Variants in SPEM1 observed in about 807,000 individuals in gnomAD.
SPEM1 encodes spermatid maturation 1.
In SPEM1, 10 loss-of-function variants were observed where a neutral mutation model predicts 9.0. The ratio of observed to expected loss-of-function variants is 1.11; its 90% CI spans 0.68 to 1.88. SPEM1 has a LOEUF of 1.88. Among genes scored for constraint, SPEM1 ranks in the 40% most tolerant of loss-of-function variants. The pLI is 0.00. For missense variants in SPEM1, 401 were observed against 408.6 expected, an observed-to-expected ratio of 0.98 and a Z score of 0.16; for synonymous variants, 175 against 157.8, an observed-to-expected ratio of 1.11 and a Z score of -0.82.
chr17:7,420,805 G>A (rs928743264), intron 2 of SPEM1, 76 bp from the exon 3 acceptor site: 1 of 1,600,390 alleles, frequency 6.2e-7, no homozygotes, highest in Admixed American at 1.7e-5. Context: ...CTGTGTGGCT[G>A]CCCTTCCTGG....
rs554830915 is a variant in SPEM1, at chr17:7,421,433, G to A, written c.758G>A (p.Arg253Gln). Reference sequence around the variant, plus strand: ...CCAGCAGTCATCCCTGAATTTTCCCGGCACCGCTCCTCAGGCCGAATAGTG... The same window carrying A: ...CCAGCAGTCATCCCTGAATTTTCCCAGCACCGCTCCTCAGGCCGAATAGTG... ...LGPAVIPEFS[R>Q]HRSSGRIVYD... The change falls in exon 3 of 3, where the codon CGG (arginine) becomes CAG (glutamine). Residue 253 changes from arginine to glutamine, a missense_variant. Physicochemically the swap from Arg to Gln is conservative, Grantham distance 43. Transcript: ENST00000323675. The surrounding 1 kb of genome is among the most constrained non-coding windows in gnomAD (Gnocchi z 4.8). 106 of 1,608,444 alleles carry A rather than the reference G, an allele frequency of 6.6e-5. No homozygotes were observed. Among genetic ancestry groups the A allele is most frequent in the Admixed American group, 1.3e-4 (8 of 59,676 alleles).
rs1460235253 is a variant in SPEM1 at position 7,420,619 on chromosome 17, C to T, written c.145-8C>T. Reference sequence around the variant, plus strand: ...CTACCTGGGATCACTGTGTCTTCCCCCACCTAGCTCTGGAGCCGATTCCGT... The same window carrying T: ...CTACCTGGGATCACTGTGTCTTCCCTCACCTAGCTCTGGAGCCGATTCCGT... On this transcript the variant is annotated splice_polypyrimidine_tract_variant and splice_region_variant and intron_variant, in intron 1 of 2. Coordinates refer to ENST00000323675, the MANE Select transcript of SPEM1 (RefSeq NM_199339.3). 4 of 1,613,992 alleles carry T rather than the reference C, an allele frequency of 2.5e-6. No individual in the cohort carries two copies. Among genetic ancestry groups the T allele is most frequent in the East Asian group, 2.2e-5 (1 of 44,898 alleles).
chr17:7,420,815 G>C (rs551965412), intron 2 of SPEM1, 66 bp from the exon 3 acceptor site: 3 of 1,602,626 alleles, frequency 1.9e-6, no homozygotes, highest in East Asian at 4.5e-5. Flanking sequence ...GCCCTTCCTG[G>C]GCCCTGCCTC....
rs1005630390 is a variant in SPEM1, at chr17:7,420,374, C to T, written c.-11C>T. On this transcript the variant is annotated 5_prime_UTR_variant, in exon 1 of 3. Coordinates refer to ENST00000323675, the MANE Select transcript of SPEM1 (RefSeq NM_199339.3). The stretch of plus-strand genomic sequence containing the variant: ...TGGGGGCGTAAGGGCCCCGGTGGTC[C>T]TAGGGACCCCATGGCCATGGTTGAG... 1 of 1,502,580 alleles carries T rather than the reference C, an allele frequency of 6.7e-7. No individual in the cohort carries two copies. Among genetic ancestry groups the T allele is most frequent in the Non-Finnish European group, 8.9e-7 (1 of 1,127,752 alleles). The allele number at this position is 1,502,580 out of a possible 1,614,324, so 93.1% of individuals were successfully genotyped here.
At chr17:7,420,710 C>A (rs201647377) in intron 2 of SPEM1, 23 bp downstream of exon 2, 2 of 1,612,972 alleles carry the variant, frequency 1.2e-6, no homozygotes, top group East Asian at 4.5e-5. Flanking sequence ...GGGGCTGGGA[C>A]ATAGGAGGGG....
At chr17:7,420,790 C>T in intron 2 of SPEM1, 91 bp from the exon 3 acceptor site, 2 of 1,601,330 alleles carry the variant, frequency 1.2e-6, no homozygotes, top group Non-Finnish European at 8.5e-7. Flanking sequence ...TCTCAGACAA[C>T]ATAGCTGTGT....
At position 7,420,947 on chromosome 17, in the gene SPEM1, T is replaced by C; in HGVS notation, c.272T>C (p.Val91Ala). Reference sequence around the variant, plus strand: ...CCTAAGAAGCAGAGTTCTCCTGCAGTCCATCTTCGGTGCACCATGGACCCT... The same window carrying C: ...CCTAAGAAGCAGAGTTCTCCTGCAGCCCATCTTCGGTGCACCATGGACCCT... ...QPPKKQSSPA[V>A]HLRCTMDPVM... is the part of the protein sequence containing the mutation. Residue 91 changes from valine to alanine, a missense_variant, in exon 3 of 3, where the codon GTC (valine) becomes GCC (alanine). By Grantham distance (64) the Val-to-Ala change is moderately conservative (BLOSUM62 0). Coordinates refer to ENST00000323675, the MANE Select transcript of SPEM1 (RefSeq NM_199339.3). 2 of 1,614,056 alleles carry C rather than the reference T, an allele frequency of 1.2e-6. No individual in the cohort carries two copies. The highest frequency in any genetic ancestry group is 1.7e-4 in the Middle Eastern group (1 of 6,060).
In SPEM1 at chr17:7,420,694, G is replaced by A; in HGVS notation, c.205+7G>A. On this transcript the variant is annotated splice_region_variant and intron_variant, in intron 2 of 2. Coordinates refer to ENST00000323675, the MANE Select transcript of SPEM1 (RefSeq NM_199339.3). ...GATACCATTTGTGAGAAAGGTAAGA[G>A]GTCTGGGGGCTGGGACATAGGAGGG... The A allele has an allele frequency of 6.2e-7, 1 of 1,613,766 alleles. No homozygotes were observed. Among genetic ancestry groups the A allele is most frequent in the Non-Finnish European group, 8.5e-7 (1 of 1,179,988 alleles).
rs763500488 is a variant in SPEM1 at position 7,421,151 on chromosome 17, A to G, written c.476A>G (p.His159Arg). ...CCTGAGGACTGGGAAGGCTTCCAACACACTCAGGGGACCTGGGTTCCCTGG... is the reference window on the plus strand; with the variant it reads ...CCTGAGGACTGGGAAGGCTTCCAACGCACTCAGGGGACCTGGGTTCCCTGG... The part of the protein sequence containing the change: ...DVPEDWEGFQ[H>R]TQGTWVPWSQ... The change falls in exon 3 of 3, where the codon CAC (histidine) becomes CGC (arginine). Residue 159 changes from histidine (H) to arginine (R), a missense_variant. Coordinates refer to ENST00000323675, the MANE Select transcript of SPEM1 (RefSeq NM_199339.3). This position sits in a 1 kb window ranked among gnomAD's most constrained non-coding sequence, Gnocchi z 4.8. 3 of 1,613,908 alleles carry G rather than the reference A, an allele frequency of 1.9e-6. 1 individual carries two copies. Among genetic ancestry groups the G allele is most frequent in the South Asian group, 2.2e-5 (2 of 91,068 alleles).
At chr17:7,420,764 C>G (rs1907359987) in intron 2 of SPEM1, 77 bp downstream of exon 2, 1 of 1,603,914 alleles carries the variant, frequency 6.2e-7, no homozygotes, top group African/African-American at 1.3e-5. Flanking sequence ...TAGCCCCTTC[C>G]CTTCTTGCTC....
In SPEM1 at chr17:7,421,142, G is replaced by A. The variant is rs1246444552; in HGVS notation, c.467G>A (p.Gly156Asp). The A allele has an allele frequency of 8.7e-6, 14 of 1,613,938 alleles. No individual in the cohort carries two copies. The highest frequency in any genetic ancestry group is 1.1e-5 in the Non-Finnish European group (13 of 1,179,968). ...YHWDVPEDWE[G>D]FQHTQGTWVP... ...TGGGATGTCCCTGAGGACTGGGAAG[G>A]CTTCCAACACACTCAGGGGACCTGG... The change falls in exon 3 of 3, where the codon GGC becomes GAC. Residue 156 changes from glycine (G) to aspartate (D), a missense_variant. Coordinates refer to ENST00000323675, the MANE Select transcript of SPEM1 (RefSeq NM_199339.3). The surrounding 1 kb of genome is among the most constrained non-coding windows in gnomAD (Gnocchi z 4.8).
At chr17:7,420,819 C>A (rs1289045383) in intron 2 of SPEM1, 62 bp from the exon 3 acceptor site, 1 of 1,603,398 alleles carries the variant, frequency 6.2e-7, no homozygotes, top group Admixed American at 1.7e-5. Flanking sequence ...TTCCTGGGCC[C>A]TGCCTCTCCA....
intron 1 of SPEM1, 41 bp downstream of exon 1, chr17:7,420,569 G>T (rs757236006): frequency 1.9e-5 from 30 of 1,613,794 alleles, no homozygotes; most frequent in South Asian, 9.9e-5. Flanking sequence ...GTGGGATAGT[G>T]GGGGGCAGGC....
chr17:7,421,339 G>A lies in SPEM1; in HGVS notation c.664G>A (p.Gly222Ser), dbSNP rs766957039. The A allele has an allele frequency of 6.8e-6, 11 of 1,613,974 alleles. No individual in the cohort carries two copies. The highest frequency in any genetic ancestry group is 4.4e-5 in the South Asian group (4 of 91,062). Residue 222 changes from glycine to serine, a missense_variant, in exon 3 of 3, where the codon GGT (glycine) becomes AGT (serine). Transcript: ENST00000323675. This position sits in a 1 kb window ranked among gnomAD's most constrained non-coding sequence, Gnocchi z 4.8. ...PSPEAPSHKN[G>S]GEGAVPEAEA... ...CCCTGAGGCTCCTAGCCACAAGAAC[G>A]GTGGGGAGGGGGCGGTGCCAGAGGC...
chr17:7,421,153 A>G lies in SPEM1; in HGVS notation c.478A>G (p.Thr160Ala). The G allele has an allele frequency of 6.2e-7, 1 of 1,613,530 alleles. No individual in the cohort carries two copies. The highest frequency in any genetic ancestry group is 2.2e-5 in the East Asian group (1 of 44,856). Residue 160 changes from threonine to alanine, a missense_variant, in exon 3 of 3, where the codon ACT becomes GCT. Physicochemically the swap from Thr to Ala is moderately conservative, Grantham distance 58. Transcript: ENST00000323675. This position sits in a 1 kb window ranked among gnomAD's most constrained non-coding sequence, Gnocchi z 4.8. Reference protein sequence around the residue: ...VPEDWEGFQHTQGTWVPWSQD... With the variant: ...VPEDWEGFQHAQGTWVPWSQD... Reference sequence around the variant, plus strand: ...TGAGGACTGGGAAGGCTTCCAACACACTCAGGGGACCTGGGTTCCCTGGTC... The same window carrying G: ...TGAGGACTGGGAAGGCTTCCAACACGCTCAGGGGACCTGGGTTCCCTGGTC...
chr17:7,420,937 TCTC>T lies in SPEM1; in HGVS notation c.265_267del (p.Pro89del). 2.5e-6 allele frequency: 4 copies of T among 1,613,892 alleles called. No homozygotes were observed. Among genetic ancestry groups the T allele is most frequent in the Non-Finnish European group, 3.4e-6 (4 of 1,179,948 alleles). On this transcript the variant is annotated inframe_deletion, in exon 3 of 3. Transcript: ENST00000323675. The stretch of plus-strand genomic sequence containing the variant: ...GACCCAGCCCCCTAAGAAGCAGAGT[TCTC>T]CTGCAGTCCATCTTCGGTGCACCAT...
chr17:7,420,838 G>A lies in SPEM1; in HGVS notation c.206-43G>A, dbSNP rs749782854. ...TGGGCCCTGCCTCTCCATGCCTGTA[G>A]GAGCTGGCCTCCCCACTAGTCTCAC... On this transcript the variant is annotated intron_variant, in intron 2 of 2. Transcript: ENST00000323675. 1.9e-6 allele frequency: 3 copies of A among 1,606,894 alleles called. No homozygotes were observed. In the South Asian group the frequency reaches 3.3e-5, roughly 18 times the overall value.
chr17:7,420,418 G>C lies in SPEM1; in HGVS notation c.34G>C (p.Ala12Pro), dbSNP rs1453235649. The C allele has an allele frequency of 1.3e-6, 2 of 1,577,330 alleles. No individual in the cohort carries two copies. The highest frequency in any genetic ancestry group is 1.7e-6 in the Non-Finnish European group (2 of 1,161,250). The change falls in exon 1 of 3, where the codon GCC becomes CCC. Residue 12 changes from alanine (A) to proline (P), a missense_variant. Ala to Pro is a conservative substitution (Grantham distance 27). Transcript: ENST00000323675. Reference protein sequence around the residue: ...AMVERPRPEWASYHNCNSNSC... With the variant: ...AMVERPRPEWPSYHNCNSNSC... ...GGTTGAGCGGCCGAGGCCCGAGTGGGCCTCGTATCACAACTGCAACAGCAA... is the reference window on the plus strand; with the variant it reads ...GGTTGAGCGGCCGAGGCCCGAGTGGCCCTCGTATCACAACTGCAACAGCAA...
In SPEM1 at chr17:7,421,583, A is replaced by G. The variant is rs1907410782; in HGVS notation, c.908A>G (p.Tyr303Cys). The change falls in exon 3 of 3, where the codon TAC (tyrosine) becomes TGC (cysteine). Residue 303 changes from tyrosine to cysteine, a missense_variant. Physicochemically the swap from Tyr to Cys is radical, Grantham distance 194. Coordinates refer to ENST00000323675, the MANE Select transcript of SPEM1 (RefSeq NM_199339.3). This position sits in a 1 kb window ranked among gnomAD's most constrained non-coding sequence, Gnocchi z 4.8. ...TAEETSKNWV[Y>C]RSLTGR ...GAGGAGACAAGCAAGAATTGGGTGT[A>G]CCGTTCCCTAACTGGGAGGTGACTG... 6.6e-7 allele frequency: 1 copy of G among 1,518,870 alleles called. No individual in the cohort carries two copies. 94.1% of individuals were successfully genotyped at this position (1,518,870 alleles called of 1,614,324 possible). A position where few individuals can be genotyped will look rare whatever the true frequency, so the allele number is the denominator to read the frequency against.
Sources: gnomAD v4.1 joint callset for allele counts on GRCh38, gnomAD v4.1.1 for gene constraint, Gnocchi (gnomAD v3.1) non-coding constraint, MANE v1.5 for transcripts, NCBI Gene and HGNC (gene_info 2026-07-23, HGNC 2026-07-21) for gene names.